Variants in RANBP9 observed in about 807,000 individuals in gnomAD.
The protein encoded by RANBP9 is ran-binding protein 9.
A neutral mutation model predicts 84.3 loss-of-function variants in RANBP9; 15 were observed. That is an observed-to-expected ratio of 0.18 (90% confidence interval 0.12 to 0.27). The LOEUF (loss-of-function observed/expected upper bound fraction) is 0.27. Ranked by LOEUF, RANBP9 falls within the 10% of genes least tolerant of loss-of-function variation. RANBP9 has a pLI of 1.00. For missense variants in RANBP9, 809 were observed against 912.8 expected, an observed-to-expected ratio of 0.89 and a Z score of 1.46; for synonymous variants, 392 against 349.6, an observed-to-expected ratio of 1.12 and a Z score of -1.35.
chr6:13,632,583 A>T (rs567894614), intron 11 of RANBP9, 62 bp from the exon 12 acceptor site: 6 of 1,444,666 alleles, frequency 4.2e-6, no homozygotes, highest in Non-Finnish European at 4.8e-6. Context: ...GAGGACACGA[A>T]CATACATTTC....
At chr6:13,666,268 A>G (rs890485497) in intron 2 of RANBP9, among the ~76,000 whole-genome samples, 1 of 152,140 alleles carries the variant, frequency 6.6e-6, no homozygotes, top group African/African-American at 2.4e-5. Context: ...AAAGAGGAAT[A>G]AAGAGATACC....
Position 13,635,809 on chromosome 6 carries a change from C to CTT in RANBP9, c.1674-1259_1674-1258dup, listed in dbSNP as rs776246178. On this transcript the variant is annotated intron_variant, in intron 10 of 13. Coordinates refer to ENST00000011619, the MANE Select transcript of RANBP9 (RefSeq NM_005493.3). Reference sequence around the variant, plus strand: ...CAGTGGCTTTTTAAAAAATACTAAACTTTTTTTTTTTTTTTGATAACTCAG... The same window carrying CTT: ...CAGTGGCTTTTTAAAAAATACTAAACTTTTTTTTTTTTTTTTTGATAACTCAG... Among the ~76,000 whole-genome samples the CTT allele has an allele frequency of 1.4e-4, 20 of 139,892 alleles. 1 individual carries two copies. Among genetic ancestry groups the CTT allele is most frequent in the Middle Eastern group, 3.7e-3 (1 of 270 alleles). 91.8% of individuals were successfully genotyped at this position (139,892 alleles called of 152,430 possible).
Position 13,711,472 on chromosome 6 carries a change from G to C in RANBP9, c.34C>G (p.Gln12Glu), listed in dbSNP as rs1758284932. 1 of 1,243,122 alleles carries C rather than the reference G, an allele frequency of 8.0e-7. No homozygotes were observed. Among genetic ancestry groups the C allele is most frequent in the Non-Finnish European group, 1.0e-6 (1 of 993,210 alleles). 77.0% of individuals were successfully genotyped at this position (1,243,122 alleles called of 1,614,324 possible). A position where few individuals can be genotyped will look rare whatever the true frequency, so the allele number is the denominator to read the frequency against. The change falls in exon 1 of 14, where the codon CAG (glutamine) becomes GAG (glutamate). Residue 12 changes from glutamine (Q) to glutamate (E), a missense_variant. Coordinates refer to ENST00000011619, the MANE Select transcript of RANBP9 (RefSeq NM_005493.3). ...SGQPPPPPPQ[Q>E]QQQQQQLSPP... is the part of the protein sequence containing the mutation. ...GACAGCTGCTGCTGCTGTTGCTGCTGCTGCGGCGGCGGCGGCGGCGGCTGC... is the reference window on the plus strand; with the variant it reads ...GACAGCTGCTGCTGCTGTTGCTGCTCCTGCGGCGGCGGCGGCGGCGGCTGC...
At chr6:13,664,657 T>G (rs971026954) in intron 2 of RANBP9, among the ~76,000 whole-genome samples, 3 of 152,030 alleles carry the variant, frequency 2.0e-5, no homozygotes, top group African/African-American at 7.2e-5. Flanking sequence ...AGACAAATAT[T>G]TAAGGTAACA....
intron 13 of RANBP9, among the ~76,000 whole-genome samples, chr6:13,624,882 C>T (rs1764557979): frequency 6.6e-6 from 1 of 152,126 alleles, no homozygotes; most frequent in Non-Finnish European, 1.5e-5. Flanking sequence ...CGGGTACTCA[C>T]AAGTCATCAG....
intron 6 of RANBP9, among the ~76,000 whole-genome samples, chr6:13,643,054 A>G (rs1765102405): frequency 6.6e-6 from 1 of 152,196 alleles, no homozygotes; most frequent in South Asian, 2.1e-4. Flanking sequence ...TCTTCTTTAC[A>G]CACCGGTTAA....
At chr6:13,631,883 GA>G (rs751776613) in intron 12 of RANBP9, among the ~76,000 whole-genome samples, 9 of 152,130 alleles carry the variant, frequency 5.9e-5, no homozygotes, top group Non-Finnish European at 5.9e-5. Flanking sequence ...TTCTGGCCAT[GA>G]AAAGTGACCC....
Position 13,711,090 on chromosome 6 carries a change from G to A in RANBP9, c.416C>T (p.Ala139Val), listed in dbSNP as rs1270572938. Reference protein sequence around the residue: ...AAAPFPHGDSALNEQEKELQR... With the variant: ...AAAPFPHGDSVLNEQEKELQR... ...CAACTCCTTCTCCTGCTCGTTCAGG[G>A]CCGAGTCCCCGTGAGGGAAGGGGGC... Residue 139 changes from alanine (A) to valine (V), a missense_variant, in exon 1 of 14, where the codon GCC becomes GTC. Physicochemically the swap from Ala to Val is moderately conservative, Grantham distance 64 (BLOSUM62 0). Coordinates refer to ENST00000011619, the MANE Select transcript of RANBP9 (RefSeq NM_005493.3). 4 of 1,572,574 alleles carry A rather than the reference G, an allele frequency of 2.5e-6. No individual in the cohort carries two copies. The highest frequency in any genetic ancestry group is 1.7e-4 in the Middle Eastern group (1 of 6,000).
intron 1 of RANBP9, among the ~76,000 whole-genome samples, chr6:13,702,417 A>T (rs1757997983): frequency 6.6e-6 from 1 of 152,326 alleles, no homozygotes; most frequent in South Asian, 2.1e-4. Context: ...AATAGTAATA[A>T]TAACCAGGTA....
chr6:13,649,589 C>T (rs932664850), intron 5 of RANBP9, among the ~76,000 whole-genome samples: 4 of 152,140 alleles, frequency 2.6e-5, no homozygotes, highest in African/African-American at 9.7e-5. Flanking sequence ...CACCTACACA[C>T]TCTGCCTGTC....
intron 4 of RANBP9, among the ~76,000 whole-genome samples, chr6:13,655,975 G>A (rs1765387407): frequency 6.6e-6 from 1 of 152,116 alleles, no homozygotes; most frequent in African/African-American, 2.4e-5. Flanking sequence ...ATCTCTTGTG[G>A]ACTTGAGAAA....
intron 3 of RANBP9, among the ~76,000 whole-genome samples, chr6:13,657,827 T>C (rs1403577170): frequency 6.6e-6 from 1 of 152,178 alleles, no homozygotes; most frequent in Non-Finnish European, 1.5e-5. Flanking sequence ...TTAAACCCTC[T>C]TTCAAGTATA....
At chr6:13,625,841 G>A in intron 12 of RANBP9, 77 bp from the exon 13 acceptor site, 3 of 1,018,390 alleles carry the variant, frequency 2.9e-6, no homozygotes, top group Non-Finnish European at 3.1e-6. Flanking sequence ...AAGTTGAGAG[G>A]TAAAATATGG....
Position 13,625,413 on chromosome 6 carries a change from A to C in RANBP9, c.2059+240T>G, listed in dbSNP as rs1248861555. Among the ~76,000 whole-genome samples, 5 of 152,334 alleles carry C rather than the reference A, an allele frequency of 3.3e-5. No individual in the cohort carries two copies. In the South Asian group the frequency reaches 6.2e-4, roughly 19 times the overall value. ...AGAAATGCTTACATACATGCACACAAAAACTTCTATTTCCCAAACATCCCA... is the reference window on the plus strand; with the variant it reads ...AGAAATGCTTACATACATGCACACACAAACTTCTATTTCCCAAACATCCCA... On this transcript the variant is annotated intron_variant, in intron 13 of 13. Transcript: ENST00000011619.
intron 5 of RANBP9, among the ~76,000 whole-genome samples, chr6:13,648,501 T>A (rs1180652363): frequency 6.6e-6 from 1 of 152,206 alleles, no homozygotes; most frequent in Non-Finnish European, 1.5e-5. Context: ...ATTGTCACTG[T>A]AGATTTATAT....
Position 13,639,645 on chromosome 6 carries a change from A to T in RANBP9, c.1443T>A (p.Phe481Leu). ...GGCTGGGGCTCATACTTGGACTACT[A>T]AAAGGTCGAGGACTAACAGGATAAC... ...QDSYPVSPRP[F>L]SSPSMSPSHG... Residue 481 changes from phenylalanine to leucine, a missense_variant, in exon 9 of 14, where the codon TTT (phenylalanine) becomes TTA (leucine). Transcript: ENST00000011619. 6.2e-7 allele frequency: 1 copy of T among 1,613,164 alleles called. No individual in the cohort carries two copies. Among genetic ancestry groups the T allele is most frequent in the Non-Finnish European group, 8.5e-7 (1 of 1,179,106 alleles).
intron 1 of RANBP9, among the ~76,000 whole-genome samples, chr6:13,708,104 T>C (rs767638304): frequency 2.5e-4 from 38 of 152,234 alleles, no homozygotes; most frequent in Non-Finnish European, 4.8e-4. Context: ...AAAGCAGTAA[T>C]TTCAATTTAG....
intron 2 of RANBP9, among the ~76,000 whole-genome samples, chr6:13,676,963 T>C (rs573358358): frequency 2.6e-5 from 4 of 152,258 alleles, no homozygotes; most frequent in South Asian, 2.1e-4. Context: ...AAGGCAGAGG[T>C]ATTTCCTTTT....
intron 5 of RANBP9, among the ~76,000 whole-genome samples, chr6:13,646,929 A>G (rs1381280351): frequency 1.3e-5 from 2 of 152,220 alleles, no homozygotes; most frequent in Non-Finnish European, 2.9e-5. Flanking sequence ...AACTTTTTAG[A>G]TGAACATTTT....
Sources: gnomAD v4.1 joint callset for allele counts (sites outside exome capture counted in the v4.1 genomes callset) on GRCh38, gnomAD v4.1.1 for gene constraint, MANE v1.5 for transcripts, NCBI Gene and HGNC (gene_info 2026-07-23, HGNC 2026-07-21) for gene names.